Variants in MROH1 observed in about 807,000 individuals in gnomAD.
MROH1 encodes the protein maestro heat like repeat family member 1, also known as maestro heat-like repeat-containing protein family member 1.
MROH1 carries 117 observed loss-of-function variants against 116.5 expected under a neutral mutation model. That is an observed-to-expected ratio of 1.00 (90% confidence interval 0.86 to 1.17). The LOEUF (loss-of-function observed/expected upper bound fraction) is 1.17, where lower values mean the gene tolerates loss of function less well. Among genes scored for constraint, MROH1 ranks in the 50% most tolerant of loss-of-function variants. MROH1 has a pLI of 0.00. For missense variants in MROH1, 1,873 were observed against 1,338.5 expected (o/e 1.40, Z -6.23); for synonymous variants, 921 against 583.9 (o/e 1.58, Z -8.32).
rs1053404294 is a variant in MROH1 at position 144,260,697 on chromosome 8, G to A, written c.4401G>A (p.Thr1467=). The part of the protein sequence containing the change: ...FFDSEKMEFR[T]ASIRLFGHLN... ...CCCAGGAGAAGATGGAGTTCCGGAC[G>A]GCATCTATCCGCCTCTTTGGGCACC... Residue 1467 remains threonine (T), a synonymous_variant, in exon 40 of 44, where the codon ACG becomes ACA. Coordinates refer to ENST00000326134, the MANE Select transcript of MROH1 (RefSeq NM_032450.3). 1.3e-5 allele frequency: 10 copies of A among 779,392 alleles called. No individual in the cohort carries two copies. The highest frequency in any genetic ancestry group is 5.1e-5 in the Admixed American group (3 of 59,024). 48.3% of individuals were successfully genotyped at this position (779,392 alleles called of 1,614,324 possible).
chr8:144,209,921 A>AAG (rs1833723100), intron 12 of MROH1, among the ~76,000 whole-genome samples: 1 of 149,462 alleles, frequency 6.7e-6, no homozygotes. Flanking sequence ...AAAAAAAAAA[A>AAG]GGGAAGGAAA....
rs972022890 is a variant in MROH1, at chr8:144,238,942, A to G, written c.1446+79A>G. The G allele has an allele frequency of 3.6e-5, 28 of 769,010 alleles. 1 individual carries two copies. In the Admixed American group the frequency reaches 3.7e-4, roughly 10 times the overall value. 47.6% of individuals were successfully genotyped at this position (769,010 alleles called of 1,614,324 possible). A position where few individuals can be genotyped will look rare whatever the true frequency, so the allele number is the denominator to read the frequency against. ...TGGCCCAGGGTGCTCAGGCCCAGCAAAGGGTCTGTCTCCACCTTGGAGCTC... is the reference window on the plus strand; with the variant it reads ...TGGCCCAGGGTGCTCAGGCCCAGCAGAGGGTCTGTCTCCACCTTGGAGCTC... On this transcript the variant is annotated intron_variant, in intron 15 of 43. Coordinates refer to ENST00000326134, the MANE Select transcript of MROH1 (RefSeq NM_032450.3).
Position 144,182,313 on chromosome 8 carries a change from G to A in MROH1, c.562+1790G>A, listed in dbSNP as rs1825915930. 6.6e-6 allele frequency among the ~76,000 whole-genome samples: 1 copy of A among 152,232 alleles called. No individual in the cohort carries two copies. Among genetic ancestry groups the A allele is most frequent in the Non-Finnish European group, 1.5e-5 (1 of 68,042 alleles). ...GACTCCCAGTGGTGGAGGCACGGCT[G>A]GCCTGGCCACGCCGTCCAGCAGGGC... On this transcript the variant is annotated intron_variant, in intron 7 of 43. Coordinates refer to ENST00000326134, the MANE Select transcript of MROH1 (RefSeq NM_032450.3). The surrounding 1 kb of genome is among the most constrained non-coding windows in gnomAD (Gnocchi z 4.1).
intron 1 of MROH1, among the ~76,000 whole-genome samples, chr8:144,158,192 C>G (rs1818648174): frequency 6.6e-6 from 1 of 151,838 alleles, no homozygotes; most frequent in Admixed American, 6.6e-5. Flanking sequence ...CGGGTTTCAC[C>G]ATACTGGCCG....
chr8:144,221,496 A>G (rs1836729192), intron 13 of MROH1, among the ~76,000 whole-genome samples: 1 of 151,542 alleles, frequency 6.6e-6, no homozygotes, highest in Non-Finnish European at 1.5e-5. Context: ...TACAGGGGGA[A>G]CAGAGACCCT....
intron 1 of MROH1, among the ~76,000 whole-genome samples, chr8:144,159,559 T>C (rs937844182): frequency 5.9e-5 from 9 of 152,192 alleles, no homozygotes; most frequent in Non-Finnish European, 1.2e-4. Context: ...GCCAGCCATG[T>C]TTTTCTTTGC....
At chr8:144,207,653 G>A (rs1450737304) in intron 12 of MROH1, among the ~76,000 whole-genome samples, 2 of 151,828 alleles carry the variant, frequency 1.3e-5, no homozygotes, top group African/African-American at 4.8e-5. Flanking sequence ...TTACAGGAGT[G>A]CACTACCATG....
At chr8:144,247,248 G>A in intron 29 of MROH1, 53 bp from the exon 30 acceptor site, 1 of 750,102 alleles carries the variant, frequency 1.3e-6, no homozygotes, top group Non-Finnish European at 2.4e-6. Flanking sequence ...GGTGGCATAG[G>A]TGGCATCCAC....
chr8:144,168,854 C>CG (rs1241611153), intron 4 of MROH1, among the ~76,000 whole-genome samples: 1 of 152,200 alleles, frequency 6.6e-6, no homozygotes, highest in Non-Finnish European at 1.5e-5. Flanking sequence ...CCCAAGGGCC[C>CG]GGCGCTGCTG....
At position 144,250,225 on chromosome 8, in the gene MROH1, T is replaced by C; in HGVS notation, c.3287T>C (p.Val1096Ala). The C allele has an allele frequency of 1.3e-6, 1 of 767,470 alleles. No individual in the cohort carries two copies. The allele number at this position is 767,470 out of a possible 1,614,324, so 47.5% of individuals were successfully genotyped here. The change falls in exon 33 of 44, where the codon GTG (valine) becomes GCG (alanine). Residue 1096 changes from valine (V) to alanine (A), a missense_variant. Val to Ala is a moderately conservative substitution (Grantham distance 64). Transcript: ENST00000326134. ...GCCCATCTACAGGTGCCCGAGATCGTGAGCGTCCTGCGCTCCAAGCTTCAG... is the reference window on the plus strand; with the variant it reads ...GCCCATCTACAGGTGCCCGAGATCGCGAGCGTCCTGCGCTCCAAGCTTCAG... ...GVLQEKVPEIVSVLRSKLQEA... is the reference protein window; with the variant it reads ...GVLQEKVPEIASVLRSKLQEA...
chr8:144,209,688 C>T (rs1052628946), intron 12 of MROH1, among the ~76,000 whole-genome samples: 1 of 151,782 alleles, frequency 6.6e-6, no homozygotes. Context: ...GCAAGCAGAT[C>T]GCTTTATCCT....
At chr8:144,166,194 A>G (rs1820790281) in intron 3 of MROH1, among the ~76,000 whole-genome samples, 1 of 152,210 alleles carries the variant, frequency 6.6e-6, no homozygotes, top group Non-Finnish European at 1.5e-5. Flanking sequence ...AAGCATTTTT[A>G]TAAGGCTCTG....
At position 144,258,815 on chromosome 8, in the gene MROH1, G is replaced by T; in HGVS notation, c.3830G>T (p.Ser1277Ile). Residue 1277 changes from serine (S) to isoleucine (I), a missense_variant, in exon 36 of 44, where the codon AGC (serine) becomes ATC (isoleucine). Transcript: ENST00000326134. ...VDTLRSMLLRSGSEDVVQRMD... is the reference protein window; with the variant it reads ...VDTLRSMLLRIGSEDVVQRMD... Reference sequence around the variant, plus strand: ...ACCCTGCGGTCCATGCTACTCCGCAGCGGCAGCGAGGATGTGGTACAGCGC... The same window carrying T: ...ACCCTGCGGTCCATGCTACTCCGCATCGGCAGCGAGGATGTGGTACAGCGC... 1.3e-6 allele frequency: 1 copy of T among 769,402 alleles called. No homozygotes were observed. Among genetic ancestry groups the T allele is most frequent in the Non-Finnish European group, 2.4e-6 (1 of 414,426 alleles). The allele number at this position is 769,402 out of a possible 1,614,324, so 47.7% of individuals were successfully genotyped here.
At chr8:144,249,475 G>A (rs1006793298) in intron 32 of MROH1, among the ~76,000 whole-genome samples, 10,826 of 152,126 alleles carry the variant, frequency 0.071, 1,307 homozygotes, top group African/African-American at 0.25. Context: ...GCATTTGGCA[G>A]TAGGGGTCAC....
At chr8:144,249,141 G>C (rs928159932) in intron 32 of MROH1, 112 bp downstream of exon 32, 1 of 683,008 alleles carries the variant, frequency 1.5e-6, no homozygotes, top group Non-Finnish European at 2.7e-6. Context: ...CACTGCGGGA[G>C]AAAACAGTGA....
At chr8:144,155,638 CTTT>C (rs1181004854) in intron 1 of MROH1, among the ~76,000 whole-genome samples, 6 of 125,988 alleles carry the variant, frequency 4.8e-5, no homozygotes, top group Admixed American at 8.0e-5. Context: ...AGGTGTTTTT[CTTT>C]TTTTTTTTTT....
intron 20 of MROH1, 112 bp from the exon 21 acceptor site, chr8:144,240,880 G>A: frequency 1.4e-6 from 1 of 705,786 alleles, no homozygotes; most frequent in Non-Finnish European, 2.6e-6. Flanking sequence ...TCACCCTGCA[G>A]TTCTCATCAG....
chr8:144,215,667 C>T (rs1315176230), intron 12 of MROH1, among the ~76,000 whole-genome samples: 2 of 151,470 alleles, frequency 1.3e-5, no homozygotes, highest in South Asian at 2.1e-4. Flanking sequence ...GTCAGGAGAT[C>T]GAGACCATCC....
rs1033831644 is a variant in MROH1, at chr8:144,244,258, G to A, written c.2592G>A (p.Ala864=). 1.5e-4 allele frequency: 106 copies of A among 718,550 alleles called. No individual in the cohort carries two copies. The highest frequency in any genetic ancestry group is 3.8e-4 in the Admixed American group (19 of 50,028). The allele number at this position is 718,550 out of a possible 1,614,324, so 44.5% of individuals were successfully genotyped here. The change falls in exon 27 of 44, where the codon GCG becomes GCA. Residue 864 remains alanine (A), a synonymous_variant. Coordinates refer to ENST00000326134, the MANE Select transcript of MROH1 (RefSeq NM_032450.3). The part of the protein sequence containing the change: ...VEPALDEQAR[A]DVIHGCLHSI... ...CAGCGCTGGACGAGCAGGCCCGGGC[G>A]GATGTGATCCATGGCTGCCTGCACA...
Sources: gnomAD v4.1 joint callset for allele counts (sites outside exome capture counted in the v4.1 genomes callset) on GRCh38, gnomAD v4.1.1 for gene constraint, Gnocchi (gnomAD v3.1) non-coding constraint, MANE v1.5 for transcripts, NCBI Gene and HGNC (gene_info 2026-07-23, HGNC 2026-07-21) for gene names.